Variants in PVT1 observed in about 807,000 individuals in gnomAD.
The protein encoded by PVT1 is CXCR4/PVT1 fusion.
intron 2 of PVT1, among the ~76,000 whole-genome samples, chr8:127,797,679 A>G (rs966228831): frequency 1.3e-5 from 2 of 152,208 alleles, no homozygotes; most frequent in Non-Finnish European, 2.9e-5. Context: ...CATGTATAAC[A>G]TGGACATTGT....
At chr8:128,049,407 T>G (rs1012572823) in intron 4 of PVT1, among the ~76,000 whole-genome samples, 6 of 152,206 alleles carry the variant, frequency 3.9e-5, no homozygotes, top group Non-Finnish European at 5.9e-5. Context: ...TGCCCTTCTC[T>G]TGAGAGGCAG....
intron 3 of PVT1, chr8:127,891,013 G>T (rs1357467042): frequency 6.6e-5 from 10 of 152,640 alleles, no homozygotes; most frequent in Admixed American, 6.5e-4. Context: ...GGCTGTCCTG[G>T]CTGGTCACGG....
intron 5 of PVT1, among the ~76,000 whole-genome samples, chr8:128,077,499 C>A (rs1353113035): frequency 6.6e-6 from 1 of 152,082 alleles, no homozygotes; most frequent in Admixed American, 6.6e-5. Flanking sequence ...GGAAAAAAAA[C>A]TCATAATTTT....
At chr8:127,905,211 G>T (rs1293607415) in intron 3 of PVT1, among the ~76,000 whole-genome samples, 1 of 152,208 alleles carries the variant, frequency 6.6e-6, no homozygotes, top group East Asian at 1.9e-4. Flanking sequence ...ATGTGATTTT[G>T]GGGGATGCAA....
chr8:128,011,450 G>C (rs1817313956), intron 4 of PVT1, among the ~76,000 whole-genome samples: 1 of 152,142 alleles, frequency 6.6e-6, no homozygotes, highest in Non-Finnish European at 1.5e-5. Flanking sequence ...AGAGCTTACT[G>C]TCTCTCTTCT....
intron 3 of PVT1, among the ~76,000 whole-genome samples, chr8:127,929,347 C>T (rs1816172854): frequency 6.6e-6 from 1 of 152,022 alleles, no homozygotes; most frequent in South Asian, 2.1e-4. Context: ...ACCGTTTTGC[C>T]TCGCCCAATT....
intron 3 of PVT1, among the ~76,000 whole-genome samples, chr8:127,906,623 T>C (rs932155088): frequency 1.3e-5 from 2 of 152,098 alleles, no homozygotes; most frequent in African/African-American, 2.4e-5. Flanking sequence ...GGGTGGACTC[T>C]GTTTTGCCAT....
chr8:128,080,518 A>G (rs1350896113), intron 5 of PVT1, among the ~76,000 whole-genome samples: 1 of 152,192 alleles, frequency 6.6e-6, no homozygotes, highest in Non-Finnish European at 1.5e-5. Context: ...CTTCGATGAG[A>G]TGCCTGCTCA....
At chr8:127,888,026 G>A (rs897989429) in intron 2 of PVT1, among the ~76,000 whole-genome samples, 2 of 121,794 alleles carry the variant, frequency 1.6e-5, no homozygotes, top group African/African-American at 6.2e-5. Context: ...CTACAACCTC[G>A]GCCTCCTGGG....
intron 2 of PVT1, among the ~76,000 whole-genome samples, chr8:127,859,612 C>T (rs1168945133): frequency 6.6e-6 from 1 of 152,116 alleles, no homozygotes; most frequent in Non-Finnish European, 1.5e-5. Flanking sequence ...CCGCCAGAGT[C>T]CTGGCTGCCC....
chr8:127,997,676 A>C (rs13328406), intron 4 of PVT1, among the ~76,000 whole-genome samples: 13,966 of 152,288 alleles, frequency 0.092, 949 homozygotes, highest in Non-Finnish European at 0.14. Context: ...AAAAGTTCTC[A>C]TATACCCTGC....
At chr8:128,044,047 A>T (rs1286788330) in intron 4 of PVT1, among the ~76,000 whole-genome samples, 1 of 143,810 alleles carries the variant, frequency 7.0e-6, no homozygotes. Flanking sequence ...AAGGGGTCTC[A>T]CTATGTTGCT....
intron 5 of PVT1, among the ~76,000 whole-genome samples, chr8:128,092,477 TG>T (rs1814369912): frequency 6.6e-6 from 1 of 152,204 alleles, no homozygotes; most frequent in Admixed American, 6.5e-5. Context: ...CCCTGGCCAT[TG>T]GCCCCTGGAC....
intron 2 of PVT1, among the ~76,000 whole-genome samples, chr8:127,828,752 T>G (rs1233369219): frequency 2.0e-5 from 3 of 152,154 alleles, no homozygotes; most frequent in African/African-American, 7.2e-5. Flanking sequence ...AGACTCATCC[T>G]TCCATGTGTG....
At chr8:128,017,544 A>T (rs1586483084) in intron 4 of PVT1, among the ~76,000 whole-genome samples, 1 of 149,048 alleles carries the variant, frequency 6.7e-6, no homozygotes, top group Non-Finnish European at 1.5e-5. Context: ...TGATCCTCCC[A>T]CCTCAGCCTC....
chr8:128,009,221 G>A (rs1203550972), intron 4 of PVT1, among the ~76,000 whole-genome samples: 1 of 152,128 alleles, frequency 6.6e-6, no homozygotes, highest in Non-Finnish European at 1.5e-5. Context: ...TCATATTCTA[G>A]TAAGTATAAT....
intron 4 of PVT1, among the ~76,000 whole-genome samples, chr8:128,064,185 T>C (rs1813870765): frequency 6.6e-6 from 1 of 152,154 alleles, no homozygotes; most frequent in Non-Finnish European, 1.5e-5. Context: ...CCCAATGATA[T>C]GCTAGAAATA....
At chr8:128,033,068 A>T (rs1813412930) in intron 4 of PVT1, among the ~76,000 whole-genome samples, 2 of 152,158 alleles carry the variant, frequency 1.3e-5, no homozygotes, top group South Asian at 4.1e-4. Flanking sequence ...ATCACAGGTG[A>T]TGTCATCTCA....
intron 3 of PVT1, among the ~76,000 whole-genome samples, chr8:127,914,296 A>C (rs1272350539): frequency 7.4e-6 from 1 of 135,760 alleles, no homozygotes; most frequent in Non-Finnish European, 1.6e-5. Flanking sequence ...AAAAAAAAAA[A>C]AAAAGGCAGA....
Sources: gnomAD v4.1 joint callset for allele counts (sites outside exome capture counted in the v4.1 genomes callset) on GRCh38, gnomAD v4.1.1 for gene constraint, MANE v1.5 for transcripts, NCBI Gene and HGNC (gene_info 2026-07-23, HGNC 2026-07-21) for gene names.